WDR49: variants seen among roughly 807,000 people sequenced by gnomAD.
WDR49 encodes cilia- and flagella-associated protein 337.
In WDR49, 107 loss-of-function variants were observed where a neutral mutation model predicts 119.5. The ratio of observed to expected loss-of-function variants is 0.90; its 90% confidence interval spans 0.77 to 1.05. The LOEUF is 1.05. Ranked by LOEUF, WDR49 falls within the 50% of genes least tolerant of loss-of-function variation. The probability of loss-of-function intolerance (pLI) is 0.00; values close to 1 mark genes in which losing one functional copy is unlikely to be tolerated. For missense variants in WDR49, 1,240 were observed against 1,220.5 expected (o/e 1.02, Z -0.24); for synonymous variants, 425 against 418.8 (o/e 1.01, Z -0.18).
chr3:167,528,528 T>TAAATAAAATAAAATAAAATAAAATA lies in WDR49; in HGVS notation c.2406+499_2407-512dup, dbSNP rs10675052. ...GACCCTGTCTCTACAAAAAGTAAAA[T>TAAATAAAATAAAATAAAATAAAATA]AAATAAAATAAAATAAAATAAAATA... On this transcript the variant is annotated intron_variant, in intron 14 of 18. Transcript: ENST00000682715. 7.1e-3 allele frequency among the ~76,000 whole-genome samples: 1,057 copies of TAAATAAAATAAAATAAAATAAAATA among 148,014 alleles called. 16 individuals are homozygous for TAAATAAAATAAAATAAAATAAAATA. Among genetic ancestry groups the TAAATAAAATAAAATAAAATAAAATA allele is most frequent in the African/African-American group, 0.025 (1,004 of 39,436 alleles).
chr3:167,545,486 A>G (rs1712118641), intron 10 of WDR49, among the ~76,000 whole-genome samples: 1 of 130,620 alleles, frequency 7.7e-6, no homozygotes, highest in East Asian at 2.0e-4. Context: ...AAAATGTACC[A>G]TATATATATT....
At chr3:167,503,052 G>C (rs1325962226) in intron 17 of WDR49, among the ~76,000 whole-genome samples, 1 of 152,204 alleles carries the variant, frequency 6.6e-6, no homozygotes, top group Non-Finnish European at 1.5e-5. Flanking sequence ...CACAGGCATA[G>C]AAGGAATACA....
At chr3:167,625,962 A>T (rs998630423) in intron 3 of WDR49, among the ~76,000 whole-genome samples, 5 of 151,842 alleles carry the variant, frequency 3.3e-5, no homozygotes, top group Middle Eastern at 3.4e-3. Context: ...AAAAGCATGT[A>T]TATCAAAAGA....
intron 2 of WDR49, chr3:167,633,592 A>C: frequency 2.3e-6 from 1 of 429,304 alleles, no homozygotes; most frequent in Non-Finnish European, 4.6e-6. Flanking sequence ...TCAATCTAAA[A>C]AATGAACTTG....
chr3:167,521,354 A>G (rs1752427117), intron 16 of WDR49, among the ~76,000 whole-genome samples: 1 of 152,142 alleles, frequency 6.6e-6, no homozygotes, highest in Admixed American at 6.6e-5. Context: ...ATACCCCCAG[A>G]AAAAAGAGAA....
At chr3:167,582,421 A>T (rs984139215) in intron 7 of WDR49, among the ~76,000 whole-genome samples, 10 of 152,166 alleles carry the variant, frequency 6.6e-5, no homozygotes, top group Admixed American at 3.3e-4. Flanking sequence ...AATCAAACTT[A>T]AAATACTAGT....
chr3:167,611,110 A>G (rs1716316432), intron 5 of WDR49, among the ~76,000 whole-genome samples: 2 of 152,198 alleles, frequency 1.3e-5, no homozygotes, highest in Non-Finnish European at 1.5e-5. Flanking sequence ...TAAATGATGA[A>G]CCAATCAATA....
intron 17 of WDR49, among the ~76,000 whole-genome samples, chr3:167,501,756 CT>C (rs1259759840): frequency 7.9e-5 from 12 of 152,206 alleles, no homozygotes; most frequent in African/African-American, 2.9e-4. Context: ...GGTTACTGGT[CT>C]TTAATTGTTT....
chr3:167,544,139 A>G lies in WDR49; in HGVS notation c.1824-7139T>C, dbSNP rs140690537. On this transcript the variant is annotated intron_variant, in intron 10 of 18. Coordinates refer to ENST00000682715, the MANE Select transcript of WDR49 (RefSeq NM_001366157.1). ...GTGAAAGATCTCTACAAGGAAAACT[A>G]TAAAACACTGCTGAAAGAAATCATA... Among the ~76,000 whole-genome samples the G allele has an allele frequency of 1.4e-3, 207 of 152,152 alleles. 4 individuals carry two copies. The East Asian group carries it at 0.031, about 23-fold the overall frequency.
At chr3:167,629,800 C>T (rs758670683) in intron 2 of WDR49, among the ~76,000 whole-genome samples, 2 of 151,922 alleles carry the variant, frequency 1.3e-5, no homozygotes, top group Non-Finnish European at 2.9e-5. Context: ...AAAGTAACTG[C>T]GGATGTGGTA....
chr3:167,585,953 C>T (rs78342447), intron 7 of WDR49, among the ~76,000 whole-genome samples: 3 of 151,830 alleles, frequency 2.0e-5, no homozygotes, highest in South Asian at 2.1e-4. Flanking sequence ...CATTTACCGG[C>T]GTACTTTAAA....
chr3:167,517,042 G>C (rs1299036697), intron 16 of WDR49, among the ~76,000 whole-genome samples: 1 of 152,166 alleles, frequency 6.6e-6, no homozygotes. Flanking sequence ...AGTTAGAATG[G>C]TGAGCATTAA....
intron 8 of WDR49, among the ~76,000 whole-genome samples, chr3:167,570,116 A>AAC (rs1233849658): frequency 6.6e-6 from 1 of 152,152 alleles, no homozygotes; most frequent in Non-Finnish European, 1.5e-5. Context: ...AGCCAAAAAA[A>AAC]AAAAAATCAC....
chr3:167,580,576 G>T (rs1188013785), intron 7 of WDR49, among the ~76,000 whole-genome samples: 1 of 152,104 alleles, frequency 6.6e-6, no homozygotes, highest in African/African-American at 2.4e-5. Context: ...CCTTGAAAAA[G>T]AAATCTTTCC....
chr3:167,595,142 T>C (rs1006478437), intron 7 of WDR49, among the ~76,000 whole-genome samples: 4 of 152,004 alleles, frequency 2.6e-5, no homozygotes, highest in African/African-American at 9.7e-5. Context: ...AATAAAATAC[T>C]TAGGAATCTA....
chr3:167,570,513 G>A (rs1433619249), intron 8 of WDR49, among the ~76,000 whole-genome samples: 2 of 152,158 alleles, frequency 1.3e-5, no homozygotes, highest in African/African-American at 4.8e-5. Context: ...TATACATAGA[G>A]CTGTTTGGAC....
At chr3:167,644,219 A>C (rs1718014747) in intron 2 of WDR49, among the ~76,000 whole-genome samples, 1 of 151,964 alleles carries the variant, frequency 6.6e-6, no homozygotes, top group East Asian at 1.9e-4. Flanking sequence ...TAAATTCAGC[A>C]CTCTTAATTT....
At chr3:167,536,686 CAT>C (rs368084455) in intron 11 of WDR49, among the ~76,000 whole-genome samples, 182 bp downstream of exon 11, 50 of 132,508 alleles carry the variant, frequency 3.8e-4, no homozygotes, top group African/African-American at 6.7e-4. Context: ...TCTCAAAATA[CAT>C]ATATATATAT....
chr3:167,512,377 A>T (rs1275922826), intron 16 of WDR49, among the ~76,000 whole-genome samples: 1 of 152,192 alleles, frequency 6.6e-6, no homozygotes, highest in African/African-American at 2.4e-5. Flanking sequence ...TCTACAGAAG[A>T]GGGGCCTTAC....
Sources: gnomAD v4.1 joint callset for allele counts (sites outside exome capture counted in the v4.1 genomes callset) on GRCh38, gnomAD v4.1.1 for gene constraint, MANE v1.5 for transcripts, NCBI Gene and HGNC (gene_info 2026-07-23, HGNC 2026-07-21) for gene names.